F8: variants seen among roughly 807,000 people sequenced by gnomAD.
F8 encodes the protein antihemophilic factor.
A neutral mutation model predicts 140.6 loss-of-function variants in F8; 12 were observed. The ratio of observed to expected loss-of-function variants is 0.09; its 90% CI spans 0.05 to 0.14. The LOEUF is 0.14. Among genes scored for constraint, F8 ranks in the 10% least tolerant of loss-of-function variants. The pLI is 1.00. For missense variants in F8, 1,354 were observed against 1,720.7 expected (o/e 0.79, Z 3.77); for synonymous variants, 585 against 614.6 (o/e 0.95, Z 0.71).
chrX:154,906,315 T>C, intron 15 of F8, 105 bp downstream of exon 15: 1 of 727,757 alleles, frequency 1.4e-6, no homozygotes, highest in East Asian at 3.6e-5. Flanking sequence ...TATGGAATTA[T>C]TTTTCTATAC....
At chrX:155,000,833 C>T (rs782281807) in intron 1 of F8, among the ~76,000 whole-genome samples, 5 of 111,727 alleles carry the variant, frequency 4.5e-5, no homozygotes, top group African/African-American at 6.5e-5. Context: ...AGATGGAGAA[C>T]AGCACAAATA....
intron 6 of F8, among the ~76,000 whole-genome samples, chrX:154,973,790 TTTTG>T (rs782551610): frequency 6.5e-4 from 72 of 110,892 alleles, no homozygotes; most frequent in Middle Eastern, 4.7e-3. Context: ...GGACAATTTG[TTTTG>T]TTTGTTTTTG....
intron 25 of F8, among the ~76,000 whole-genome samples, chrX:154,850,969 A>G (rs1254281350): frequency 4.5e-5 from 5 of 112,357 alleles, no homozygotes; most frequent in African/African-American, 1.3e-4. Flanking sequence ...GTACATTCAC[A>G]ATGTTATATA....
intron 14 of F8, among the ~76,000 whole-genome samples, chrX:154,926,311 T>C (rs1557278070): frequency 8.9e-6 from 1 of 111,948 alleles, no homozygotes. Context: ...TAGATGTTAA[T>C]GTAAGAAAAA....
chrX:154,954,585 T>G (rs2124091084), intron 11 of F8, among the ~76,000 whole-genome samples: 1 of 112,193 alleles, frequency 8.9e-6, no homozygotes, highest in African/African-American at 3.2e-5. Context: ...TTTAAAACAT[T>G]CAAATTTTTT....
chrX:154,846,478 G>A (rs1194913822), intron 25 of F8, among the ~76,000 whole-genome samples: 2 of 112,009 alleles, frequency 1.8e-5, no homozygotes, highest in Non-Finnish European at 3.8e-5. Context: ...TGTATTGGGT[G>A]CATATATATT....
Position 154,930,777 on chromosome X carries a change from T to C in F8, c.3013A>G (p.Lys1005Glu), listed in dbSNP as rs782179226. 10 of 1,209,638 alleles carry C rather than the reference T, an allele frequency of 8.3e-6. 1 individual carries two copies. In the South Asian group the frequency reaches 1.4e-4, roughly 17 times the overall value. ...KRAHGPALLT[K>E]DNALFKVSIS... ...CTAACTTTGAATAAGGCATTATCTT[T>C]AGTCAACAAAGCAGGTCCATGAGCT... The change falls in exon 14 of 26, where the codon AAA becomes GAA. Residue 1005 changes from lysine (K) to glutamate (E), a missense_variant. Physicochemically the swap from Lys to Glu is moderately conservative, Grantham distance 56 (BLOSUM62 1). This residue lies in a region of F8 where 658 missense variants were observed against 666.5 expected (regional missense o/e 0.99). Transcript: ENST00000360256.
chrX:154,959,072 T>A (rs5987072), intron 10 of F8, among the ~76,000 whole-genome samples: 1,133 of 111,815 alleles, frequency 0.01, 14 homozygotes, highest in African/African-American at 0.035. Context: ...AAGGGAAAAG[T>A]AGTTAATGCT....
intron 13 of F8, among the ~76,000 whole-genome samples, chrX:154,939,114 C>T (rs1436524180): frequency 1.8e-5 from 2 of 111,286 alleles, no homozygotes; most frequent in African/African-American, 6.5e-5. Flanking sequence ...GTGATTTCTG[C>T]ATTTCCAACT....
chrX:154,945,845 A>G (rs1050888910), intron 13 of F8, among the ~76,000 whole-genome samples: 1 of 112,199 alleles, frequency 8.9e-6, no homozygotes, highest in Non-Finnish European at 1.9e-5. Flanking sequence ...ACAAAAAACT[A>G]AAGACTCCAT....
At chrX:154,965,065 T>C (rs1200067753) in intron 9 of F8, among the ~76,000 whole-genome samples, 1 of 111,948 alleles carries the variant, frequency 8.9e-6, no homozygotes, top group Non-Finnish European at 1.9e-5. Flanking sequence ...GTTATACAAA[T>C]AGCCAACAAA....
intron 14 of F8, chrX:154,918,941 C>G (rs974286021): frequency 1.4e-4 from 17 of 119,577 alleles, no homozygotes; most frequent in African/African-American, 4.6e-4. Context: ...CAAGCATACT[C>G]AAATGAGCCC....
In F8 at chrX:154,902,053, T is replaced by G; in HGVS notation, c.6113A>C (p.Asn2038Thr). The G allele has an allele frequency of 8.4e-7, 1 of 1,187,241 alleles. No homozygotes were observed. Among genetic ancestry groups the G allele is most frequent in the Non-Finnish European group, 1.1e-6 (1 of 872,954 alleles). Residue 2038 changes from asparagine to threonine, a missense_variant and splice_region_variant, in exon 19 of 26, where the codon AAT becomes ACT. Transcript: ENST00000360256. ...GMSTLFLVYS[N>T]KCQTPLGMAS... ...CCTCTGCCCACATTGCTACTCACTA[T>G]TGCTGTACACCAGAAAAAGTGTGCT...
chrX:154,914,362 C>T (rs1299724824), intron 14 of F8, among the ~76,000 whole-genome samples: 1 of 112,788 alleles, frequency 8.9e-6, no homozygotes, highest in Admixed American at 9.3e-5. Context: ...ACATTTGGCT[C>T]CTTGTTAATT....
chrX:155,021,997 C>T (rs1736213662), intron 1 of F8, among the ~76,000 whole-genome samples: 2 of 111,935 alleles, frequency 1.8e-5, no homozygotes, highest in South Asian at 3.7e-4. Context: ...TATAAAAACA[C>T]ACATTGCATG....
intron 14 of F8, chrX:154,919,558 G>T: frequency 1.3e-6 from 1 of 742,617 alleles, no homozygotes; most frequent in Non-Finnish European, 1.9e-6. Flanking sequence ...CTCAATCCTG[G>T]CAGACTCTCA....
rs1297492241 is a variant in F8, at chrX:154,904,677, A to G, written c.5586+134T>C. The G allele has an allele frequency of 5.3e-6, 4 of 748,979 alleles. No homozygotes were observed. The East Asian group carries it at 1.0e-4, about 19-fold the overall frequency. 61.7% of individuals were successfully genotyped at this position (748,979 alleles called of 1,213,427 possible). A position where few individuals can be genotyped will look rare whatever the true frequency, so the allele number is the denominator to read the frequency against. ...CAGTAGATTCCAGAATGACATTTCTAAAACACAAATATAATGATCAACTCT... is the reference window on the plus strand; with the variant it reads ...CAGTAGATTCCAGAATGACATTTCTGAAACACAAATATAATGATCAACTCT... On this transcript the variant is annotated intron_variant, in intron 16 of 25. Coordinates refer to ENST00000360256, the MANE Select transcript of F8 (RefSeq NM_000132.4).
intron 21 of F8, chrX:154,897,700 T>C (rs1228586464): frequency 8.9e-6 from 1 of 112,356 alleles, no homozygotes; most frequent in Admixed American, 9.4e-5. Flanking sequence ...TCTACTGAAT[T>C]GACTTTTACT....
At chrX:154,849,228 G>A (rs978186385) in intron 25 of F8, among the ~76,000 whole-genome samples, 21 of 109,819 alleles carry the variant, frequency 1.9e-4, no homozygotes, top group Non-Finnish European at 3.4e-4. Flanking sequence ...CACCTGCCTC[G>A]GCCTCCCAAA....
Sources: allele counts gnomAD v4.1 joint callset (sites outside exome capture counted in the v4.1 genomes callset), GRCh38; gene constraint gnomAD v4.1.1; regional missense constraint gnomAD v4.1.1; transcripts MANE v1.5; gene names NCBI Gene and HGNC (gene_info 2026-07-23, HGNC 2026-07-21).